The following TIAM2 variants were observed in gnomAD, a reference collection of about 807,000 sequenced individuals.
The protein encoded by TIAM2 is rho guanine nucleotide exchange factor TIAM2.
TIAM2 carries 80 observed loss-of-function variants against 152.9 expected under a neutral mutation model. The observed-to-expected ratio is 0.52, with a 90% CI of 0.44 to 0.63. The LOEUF (loss-of-function observed/expected upper bound fraction) is 0.63, where lower values mean the gene tolerates loss of function less well. TIAM2 is among the 30% of genes least tolerant of loss of function. The pLI, the probability that TIAM2 is intolerant of heterozygous loss-of-function variation, is 0.00. For missense variants in TIAM2, 1,965 were observed against 2,120.1 expected, an observed-to-expected ratio of 0.93 and a Z score of 1.44; for synonymous variants, 804 against 838.0, an observed-to-expected ratio of 0.96 and a Z score of 0.70.
intron 15 of TIAM2, among the ~76,000 whole-genome samples, chr6:155,229,062 C>T (rs1161056399): frequency 1.3e-5 from 2 of 152,232 alleles, no homozygotes; most frequent in African/African-American, 4.8e-5. Flanking sequence ...TGCCCACCTC[C>T]TCCCTCTCTG....
intron 2 of TIAM2, among the ~76,000 whole-genome samples, chr6:155,113,216 G>T (rs745939903): frequency 1.8e-4 from 27 of 151,938 alleles, no homozygotes; most frequent in Non-Finnish European, 3.8e-4. Flanking sequence ...TGCCTCTCCG[G>T]CACTTGCACT....
chr6:155,017,654 C>A (rs1407313325), intron 1 of TIAM2, among the ~76,000 whole-genome samples: 1 of 151,968 alleles, frequency 6.6e-6, no homozygotes, highest in East Asian at 1.9e-4. Flanking sequence ...CAGGCACCTG[C>A]CACCACGCCC....
At chr6:155,107,647 A>G (rs1230545662) in intron 2 of TIAM2, among the ~76,000 whole-genome samples, 1 of 152,194 alleles carries the variant, frequency 6.6e-6, no homozygotes, top group African/African-American at 2.4e-5. Flanking sequence ...TATTTGGCTT[A>G]AGAGTTTCTT....
At position 155,124,600 on chromosome 6, in the gene TIAM2, G is replaced by A. The variant is rs1408827323; in HGVS notation, c.-117-2890G>A. Among the ~76,000 whole-genome samples the A allele has an allele frequency of 2.0e-5, 3 of 152,188 alleles. No individual in the cohort carries two copies. In the East Asian group the frequency reaches 5.8e-4, roughly 29 times the overall value. The stretch of plus-strand genomic sequence containing the variant: ...CCTGCCTTGGCCTCCCAAAGTGCTG[G>A]GATTACAGGCATGAGCCACCACACC... On this transcript the variant is annotated intron_variant, in intron 2 of 26. Transcript: ENST00000682666.
At chr6:155,175,351 G>A (rs975552303) in intron 9 of TIAM2, among the ~76,000 whole-genome samples, 2 of 152,074 alleles carry the variant, frequency 1.3e-5, no homozygotes, top group African/African-American at 4.8e-5. Context: ...TCCTGCATAG[G>A]AGGATCTTTT....
chr6:155,066,094 C>T (rs543796740), intron 1 of TIAM2, among the ~76,000 whole-genome samples: 2 of 152,302 alleles, frequency 1.3e-5, no homozygotes, highest in African/African-American at 2.4e-5. Flanking sequence ...GCTGTTTCTC[C>T]GCCAGCTAAA....
chr6:155,069,911 CTTTT>C (rs36093906), intron 1 of TIAM2, among the ~76,000 whole-genome samples: 1 of 125,646 alleles, frequency 8.0e-6, no homozygotes, highest in Non-Finnish European at 1.7e-5. Flanking sequence ...CATTTCTTTT[CTTTT>C]TTTTTTTTTT....
chr6:155,191,809 C>CA (rs58358573), intron 14 of TIAM2, among the ~76,000 whole-genome samples: 1,963 of 147,966 alleles, frequency 0.013, 48 homozygotes, highest in African/African-American at 0.044. Context: ...AAAACAACAA[C>CA]AAAAAAAAAA....
intron 1 of TIAM2, among the ~76,000 whole-genome samples, chr6:155,067,548 T>C (rs13197214): frequency 0.35 from 53,739 of 151,944 alleles, 10,311 homozygotes; most frequent in Middle Eastern, 0.48. Flanking sequence ...TTGCCCCTCC[T>C]GACTCTCATT....
intron 14 of TIAM2, among the ~76,000 whole-genome samples, chr6:155,188,479 A>G (rs1781109947): frequency 6.6e-6 from 1 of 152,204 alleles, no homozygotes; most frequent in Admixed American, 6.5e-5. Flanking sequence ...CACAGTGGAG[A>G]GAGGAAATGT....
intron 15 of TIAM2, among the ~76,000 whole-genome samples, chr6:155,221,473 C>A (rs1270335139): frequency 6.6e-6 from 1 of 152,188 alleles, no homozygotes. Flanking sequence ...ATTTCTGATA[C>A]AGGCTTCTCC....
At chr6:155,143,647 GGAGT>G (rs1562330672) in intron 5 of TIAM2, among the ~76,000 whole-genome samples, 1 of 152,158 alleles carries the variant, frequency 6.6e-6, no homozygotes, top group African/African-American at 2.4e-5. Context: ...GATGGTCAAC[GGAGT>G]GAGTGAGTGT....
chr6:155,200,730 C>T (rs1322016016), intron 14 of TIAM2, among the ~76,000 whole-genome samples: 24 of 152,022 alleles, frequency 1.6e-4, no homozygotes, highest in Admixed American at 1.6e-3. Context: ...TGGTGAAACC[C>T]TGTCTCTACT....
chr6:155,113,839 G>C (rs1778923228), intron 2 of TIAM2, among the ~76,000 whole-genome samples: 1 of 151,702 alleles, frequency 6.6e-6, no homozygotes, highest in African/African-American at 2.4e-5. Flanking sequence ...TGTATCCCCA[G>C]GGCTTAGAAC....
intron 20 of TIAM2, among the ~76,000 whole-genome samples, chr6:155,249,473 T>C (rs2115344284): frequency 6.6e-6 from 1 of 152,320 alleles, no homozygotes; most frequent in East Asian, 1.9e-4. Flanking sequence ...TGCACTCACT[T>C]TTCTCATCTG....
intron 16 of TIAM2, among the ~76,000 whole-genome samples, chr6:155,242,770 C>G (rs996611670): frequency 6.6e-6 from 1 of 152,176 alleles, no homozygotes; most frequent in Non-Finnish European, 1.5e-5. Flanking sequence ...GAGTCTCGCT[C>G]TGTCACCCAG....
At position 155,003,404 on chromosome 6, in the gene TIAM2, C is replaced by T. The variant is rs535744373; in HGVS notation, c.-209+7912C>T. 3.3e-5 allele frequency among the ~76,000 whole-genome samples: 5 copies of T among 151,728 alleles called. No individual in the cohort carries two copies. The East Asian group carries it at 7.8e-4, about 24-fold the overall frequency. On this transcript the variant is annotated intron_variant, in intron 1 of 26. Transcript: ENST00000682666. ...CTGAGGCACAAGAATTACTTGAACC[C>T]GGGAGGCAGAGGTTGCAGTGAGCCG...
At chr6:155,032,076 AG>A (rs1776833314) in intron 1 of TIAM2, among the ~76,000 whole-genome samples, 1 of 146,280 alleles carries the variant, frequency 6.8e-6, no homozygotes, top group Non-Finnish European at 1.5e-5. Flanking sequence ...ATACGATGGA[AG>A]ATCTGTGAGG....
intron 7 of TIAM2, 144 bp from the exon 8 acceptor site, chr6:155,164,271 G>A (rs9322502): frequency 0.61 from 380,918 of 628,562 alleles, 117,961 homozygotes; most frequent in Admixed American, 0.74. Flanking sequence ...GGATTGAGAT[G>A]GGGTGAGCAG....
Sources: gnomAD v4.1 joint callset for allele counts (sites outside exome capture counted in the v4.1 genomes callset) on GRCh38, gnomAD v4.1.1 for gene constraint, MANE v1.5 for transcripts, NCBI Gene and HGNC (gene_info 2026-07-23, HGNC 2026-07-21) for gene names.